DYSF: variants seen among roughly 807,000 people sequenced by gnomAD.
The protein encoded by DYSF is dysferlin.
In DYSF, 212 loss-of-function variants were observed where a neutral mutation model predicts 274.9. The observed-to-expected ratio is 0.77, with a 90% CI of 0.69 to 0.86. The LOEUF is 0.86. DYSF is among the 40% of genes least tolerant of loss of function. The pLI, the probability that DYSF is intolerant of heterozygous loss-of-function variation, is 0.00. For synonymous variants in DYSF, 1,091 were observed against 1,078.7 expected (o/e 1.01, Z -0.22); for missense variants, 2,666 against 2,783.2 (o/e 0.96, Z 0.95).
intron 12 of DYSF, among the ~76,000 whole-genome samples, chr2:71,525,621 G>T (rs1346568797): frequency 6.6e-6 from 1 of 152,208 alleles, no homozygotes; most frequent in Admixed American, 6.5e-5. Flanking sequence ...ATCAATGCAT[G>T]TGGGATGTGA....
chr2:71,476,278 G>T (rs183274082), intron 1 of DYSF, among the ~76,000 whole-genome samples: 1 of 152,138 alleles, frequency 6.6e-6, no homozygotes, highest in Non-Finnish European at 1.5e-5. Context: ...CAGGCTGGGT[G>T]TGGTGGCTCA....
At chr2:71,590,417 T>C in intron 32 of DYSF, 129 bp downstream of exon 32, 2 of 983,642 alleles carry the variant, frequency 2.0e-6, no homozygotes. Context: ...ACCAGGGTCC[T>C]GTGGCTTCTT....
rs545725208 is a variant in DYSF, at chr2:71,580,485, G to A, written c.3402+6114G>A. Among the ~76,000 whole-genome samples, 14 of 152,346 alleles carry A rather than the reference G, an allele frequency of 9.2e-5. No homozygotes were observed. The South Asian group carries it at 2.3e-3, about 25-fold the overall frequency. ...GATGGGGAGGGAGGGGCGGCTCTGC[G>A]CCTGAAGGAAGCCATGCTGTGGGCA... On this transcript the variant is annotated intron_variant, in intron 30 of 55. Coordinates refer to ENST00000410020, the MANE Select transcript of DYSF (RefSeq NM_001130987.2).
intron 3 of DYSF, among the ~76,000 whole-genome samples, chr2:71,495,507 C>G (rs116233941): frequency 0.052 from 7,916 of 152,308 alleles, 257 homozygotes; most frequent in African/African-American, 0.11. Context: ...AGTGTGACAT[C>G]CTAGGGTCAA....
intron 52 of DYSF, among the ~76,000 whole-genome samples, chr2:71,678,689 T>C (rs968767072): frequency 2.6e-5 from 4 of 152,186 alleles, no homozygotes; most frequent in Non-Finnish European, 4.4e-5. Flanking sequence ...TTTCATGTTA[T>C]ATGTATTTTA....
intron 3 of DYSF, among the ~76,000 whole-genome samples, chr2:71,485,574 A>G (rs2083295021): frequency 6.6e-6 from 1 of 152,158 alleles, no homozygotes; most frequent in African/African-American, 2.4e-5. Context: ...GGCAGGTGCG[A>G]TGCCTCAGGG....
At chr2:71,494,530 A>G (rs1395160491) in intron 3 of DYSF, among the ~76,000 whole-genome samples, 1 of 152,192 alleles carries the variant, frequency 6.6e-6, no homozygotes, top group Non-Finnish European at 1.5e-5. Flanking sequence ...AATCCTTACC[A>G]TGATGGGTAT....
At chr2:71,535,387 A>C in intron 16 of DYSF, 76 bp downstream of exon 16, 1 of 1,396,636 alleles carries the variant, frequency 7.2e-7, no homozygotes, top group Non-Finnish European at 1.0e-6. Flanking sequence ...CATTCGGCTC[A>C]GTGACTGGTA....
chr2:71,645,691 T>G (rs1181139516), intron 42 of DYSF, among the ~76,000 whole-genome samples: 2 of 152,024 alleles, frequency 1.3e-5, no homozygotes, highest in African/African-American at 4.8e-5. Flanking sequence ...GACACCGTCC[T>G]CCTCTACCCA....
upstream of DYSF, among the ~76,000 whole-genome samples, chr2:71,462,731 G>C (rs375893255): frequency 6.6e-6 from 1 of 152,244 alleles, no homozygotes. Flanking sequence ...TCAGCAGAGA[G>C]GAGACCCACA....
chr2:71,498,405 GCCATGAGTCAATT>G (rs2084632327), intron 3 of DYSF, among the ~76,000 whole-genome samples: 1 of 152,214 alleles, frequency 6.6e-6, no homozygotes, highest in South Asian at 2.1e-4. Context: ...CTGTCCTCTA[GCCATGAGTCAATT>G]CCTGGGTGGG....
At chr2:71,557,241 G>C (rs1473698411) in intron 22 of DYSF, among the ~76,000 whole-genome samples, 1 of 152,236 alleles carries the variant, frequency 6.6e-6, no homozygotes, top group Non-Finnish European at 1.5e-5. Flanking sequence ...GGAGCTCTAA[G>C]CAGGTGCATC....
chr2:71,470,673 CA>C (rs776955310), intron 1 of DYSF, among the ~76,000 whole-genome samples: 18,575 of 57,480 alleles, frequency 0.32, 1,870 homozygotes, highest in Non-Finnish European at 0.35. Flanking sequence ...GACTCCATCT[CA>C]AAAAAAAAAA....
chr2:71,674,143 G>A lies in DYSF; in HGVS notation c.5785-54G>A, dbSNP rs566752767. On this transcript the variant is annotated intron_variant, in intron 51 of 55. Transcript: ENST00000410020. ...GCCTTCCAGGCTGGAAGGGAACACT[G>A]CCTCTCTCTAACCTTGCTTCCTTGC... 41 of 1,544,302 alleles carry A rather than the reference G, an allele frequency of 2.7e-5. No individual in the cohort carries two copies. In the African/African-American group the frequency reaches 3.5e-4, roughly 13 times the overall value.
intron 17 of DYSF, among the ~76,000 whole-genome samples, chr2:71,544,991 G>T (rs1050179725): frequency 2.0e-5 from 3 of 152,182 alleles, no homozygotes; most frequent in Admixed American, 1.3e-4. Flanking sequence ...AAAAATATGG[G>T]TATAAGTTGT....
chr2:71,555,059 G>A (rs1194933972), intron 21 of DYSF, among the ~76,000 whole-genome samples: 1 of 150,366 alleles, frequency 6.7e-6, no homozygotes, highest in East Asian at 1.9e-4. Flanking sequence ...GGGTGGGGAG[G>A]TGAGCATGGC....
intron 3 of DYSF, among the ~76,000 whole-genome samples, chr2:71,501,518 C>T (rs575024200): frequency 2.0e-5 from 3 of 152,320 alleles, no homozygotes; most frequent in East Asian, 1.9e-4. Context: ...CACCGTCCAC[C>T]TCCAAAATGT....
At chr2:71,607,744 G>A (rs911969674) in intron 36 of DYSF, among the ~76,000 whole-genome samples, 2 of 152,186 alleles carry the variant, frequency 1.3e-5, no homozygotes, top group East Asian at 1.9e-4. Flanking sequence ...CAAGGGTGGC[G>A]TGGGAGCTTT....
chr2:71,627,576 A>G (rs1574454863), intron 41 of DYSF, among the ~76,000 whole-genome samples: 1 of 152,078 alleles, frequency 6.6e-6, no homozygotes, highest in Non-Finnish European at 1.5e-5. Flanking sequence ...TAAATATTCA[A>G]TGTGCATTTA....
Sources: allele counts gnomAD v4.1 joint callset (sites outside exome capture counted in the v4.1 genomes callset), GRCh38; gene constraint gnomAD v4.1.1; transcripts MANE v1.5; gene names NCBI Gene and HGNC (gene_info 2026-07-23, HGNC 2026-07-21).